DHX30: variants seen among roughly 807,000 people sequenced by gnomAD.
DHX30 encodes the protein ATP-dependent RNA helicase DHX30.
In DHX30, 4 loss-of-function variants were observed where a neutral mutation model predicts 116.9. That is an observed-to-expected ratio of 0.03 (90% CI 0.02 to 0.08). The LOEUF is 0.08. DHX30 is among the 10% of genes least tolerant of loss of function. DHX30 has a pLI of 1.00. For missense variants in DHX30, 871 were observed against 1,595.1 expected, an observed-to-expected ratio of 0.55 and a Z score of 7.73; for synonymous variants, 697 against 651.7, an observed-to-expected ratio of 1.07 and a Z score of -1.06.
chr3:47,830,555 C>T (rs754885121), intron 6 of DHX30, among the ~76,000 whole-genome samples: 1 of 152,122 alleles, frequency 6.6e-6, no homozygotes, highest in African/African-American at 2.4e-5. Flanking sequence ...CCTGCCTCCA[C>T]CTCCCAAAGT....
At position 47,818,057 on chromosome 3, in the gene DHX30, C is replaced by A. The variant is rs1399507189; in HGVS notation, c.64C>A (p.Pro22Thr). 1.3e-6 allele frequency: 1 copy of A among 781,062 alleles called. No individual in the cohort carries two copies. The highest frequency in any genetic ancestry group is 1.7e-5 in the Admixed American group (1 of 59,032). 48.4% of individuals were successfully genotyped at this position (781,062 alleles called of 1,614,324 possible). Residue 22 changes from proline to threonine, a missense_variant, in exon 4 of 22, where the codon CCC (proline) becomes ACC (threonine). Physicochemically the swap from Pro to Thr is conservative, Grantham distance 38. Coordinates refer to ENST00000445061, the MANE Select transcript of DHX30 (RefSeq NM_138615.3). ...AQHRQRQCKL[P>T]PPRLPPMCVN... ...GCACAGGCAGCGTCAGTGCAAACTT[C>A]CCCCACCCCGCCTTCCACCCATGTG...
rs566786160 is a variant in DHX30 at position 47,845,826 on chromosome 3, C to T, written c.1066C>T (p.Arg356Cys). Residue 356 changes from arginine to cysteine, a missense_variant, in exon 10 of 22, where the codon CGC becomes TGC. Transcript: ENST00000445061. Reference sequence around the variant, plus strand: ...CATCCAGGTGCCCGAGCCCATCCTCCGCAAGATAGAGACCTTCCTGAACCA... The same window carrying T: ...CATCCAGGTGCCCGAGCCCATCCTCTGCAAGATAGAGACCTTCCTGAACCA... ...CTIQVPEPIL[R>C]KIETFLNHYP... The T allele has an allele frequency of 1.1e-5, 18 of 1,609,380 alleles. No homozygotes were observed. The highest frequency in any genetic ancestry group is 1.7e-4 in the Middle Eastern group (1 of 6,048).
intron 1 of DHX30, among the ~76,000 whole-genome samples, chr3:47,803,461 C>G (rs1027260153): frequency 6.6e-6 from 1 of 152,172 alleles, no homozygotes; most frequent in Non-Finnish European, 1.5e-5. Flanking sequence ...GGGGGCCAGA[C>G]CGGTCCGCCG....
chr3:47,821,993 C>T (rs966367452), intron 4 of DHX30: 2 of 152,206 alleles, frequency 1.3e-5, no homozygotes, highest in African/African-American at 4.8e-5. Context: ...CTTTCTGTTG[C>T]AGTTATTTGA....
At chr3:47,833,190 T>C (rs534131509) in intron 6 of DHX30, among the ~76,000 whole-genome samples, 6 of 152,138 alleles carry the variant, frequency 3.9e-5, no homozygotes, top group African/African-American at 1.4e-4. Context: ...TCAAGCAAAT[T>C]AACATATCCA....
At chr3:47,840,255 C>T (rs1031866302) in intron 6 of DHX30, among the ~76,000 whole-genome samples, 1 of 151,640 alleles carries the variant, frequency 6.6e-6, no homozygotes, top group Admixed American at 6.6e-5. Context: ...TCTCGGCCTC[C>T]CAAAGTGCTG....
In DHX30 at chr3:47,843,115, C is replaced by G. The variant is rs895339412; in HGVS notation, c.799C>G (p.Gln267Glu). The change falls in exon 9 of 22, where the codon CAG becomes GAG. Residue 267 changes from glutamine to glutamate, a missense_variant. By Grantham distance (29) the Gln-to-Glu change is conservative. Transcript: ENST00000445061. ...TSSSTAKNLM[Q>E]FHTVGTKTKL... ...CTTGCCTTCCATGTAGAACCTCATG[C>G]AGTTCCATACTGTGGGCACCAAGAC... The G allele has an allele frequency of 1.1e-5, 17 of 1,614,066 alleles. No homozygotes were observed. Among genetic ancestry groups the G allele is most frequent in the Non-Finnish European group, 1.4e-5 (17 of 1,180,010 alleles).
intron 21 of DHX30, 31 bp from the exon 22 acceptor site, chr3:47,849,836 C>T: frequency 1.9e-6 from 3 of 1,609,990 alleles, no homozygotes; most frequent in Non-Finnish European, 2.5e-6. Context: ...GGCCTCACCA[C>T]AGTTCCCCAC....
intron 3 of DHX30, among the ~76,000 whole-genome samples, chr3:47,810,969 G>A (rs1293083816): frequency 2.0e-5 from 3 of 151,050 alleles, no homozygotes; most frequent in Admixed American, 6.6e-5. Flanking sequence ...TTTTTTCTGA[G>A]ATGGAGCCTC....
intron 1 of DHX30, among the ~76,000 whole-genome samples, chr3:47,804,509 C>G (rs1323049312): frequency 6.6e-6 from 1 of 152,172 alleles, no homozygotes; most frequent in African/African-American, 2.4e-5. Context: ...GAGCCAAGAT[C>G]GCGCCATTTC....
chr3:47,814,916 G>T (rs1270310101), intron 3 of DHX30, among the ~76,000 whole-genome samples: 2 of 151,362 alleles, frequency 1.3e-5, no homozygotes, highest in Non-Finnish European at 2.9e-5. Context: ...TGGAAACAGG[G>T]TCTTCCTATG....
intron 8 of DHX30, 125 bp downstream of exon 8, chr3:47,841,862 G>GA: frequency 7.5e-7 from 1 of 1,336,066 alleles, no homozygotes; most frequent in Non-Finnish European, 1.0e-6. Flanking sequence ...AGGCCAGGTG[G>GA]AGGAACTCCT....
At chr3:47,843,539 T>C (rs1403165154) in intron 9 of DHX30, among the ~76,000 whole-genome samples, 3 of 152,174 alleles carry the variant, frequency 2.0e-5, no homozygotes, top group African/African-American at 7.2e-5. Flanking sequence ...TTCTGAATAG[T>C]ATAAAGCCGG....
At chr3:47,823,316 C>G (rs1249761898) in intron 4 of DHX30, among the ~76,000 whole-genome samples, 1 of 151,540 alleles carries the variant, frequency 6.6e-6, no homozygotes, top group Non-Finnish European at 1.5e-5. Flanking sequence ...AGACAAAGAC[C>G]CCCCTGGGAA....
At chr3:47,835,370 G>A (rs1245202792) in intron 6 of DHX30, among the ~76,000 whole-genome samples, 1 of 152,068 alleles carries the variant, frequency 6.6e-6, no homozygotes, top group Non-Finnish European at 1.5e-5. Flanking sequence ...GTTTCTCCAT[G>A]TTGGTCAGGC....
Position 47,847,351 on chromosome 3 carries a change from G to A in DHX30, c.2005+3G>A. ...CATCGATGCTCGCGGGGAACCAGGT[G>A]GGTGCCTCCCCATCTGTCCCATGCT... is the stretch of plus-strand genomic sequence containing the variant. On this transcript the variant is annotated splice_donor_region_variant and intron_variant, in intron 12 of 21. Transcript: ENST00000445061. This position sits in a 1 kb window ranked among gnomAD's most constrained non-coding sequence, Gnocchi z 5.5. 1.9e-6 allele frequency: 3 copies of A among 1,614,226 alleles called. No individual in the cohort carries two copies. Among genetic ancestry groups the A allele is most frequent in the East Asian group, 2.2e-5 (1 of 44,888 alleles).
At chr3:47,822,656 G>A (rs550931954) in intron 4 of DHX30, among the ~76,000 whole-genome samples, 1 of 152,036 alleles carries the variant, frequency 6.6e-6, no homozygotes, top group East Asian at 1.9e-4. Flanking sequence ...ATGGTGGCAC[G>A]TACCTGTAGT....
At position 47,849,964 on chromosome 3, in the gene DHX30, G is replaced by A; in HGVS notation, c.3429G>A (p.Arg1143=). 1 of 1,612,894 alleles carries A rather than the reference G, an allele frequency of 6.2e-7. No individual in the cohort carries two copies. Among genetic ancestry groups the A allele is most frequent in the Non-Finnish European group, 8.5e-7 (1 of 1,179,724 alleles). ...TGCGGCTGCTGAAGGAGCTGCGGCG[G>A]GCCCTGGGCCGCATGGTGGAGCGGA... is the stretch of plus-strand genomic sequence containing the variant. ...RTVRLLKELR[R]ALGRMVERSL... Residue 1143 remains arginine (R), a synonymous_variant, in exon 22 of 22, where the codon CGG becomes CGA. Transcript: ENST00000445061.
Position 47,843,182 on chromosome 3 carries a change from C to T in DHX30, c.866C>T (p.Thr289Ile). 1 of 1,614,288 alleles carries T rather than the reference C, an allele frequency of 6.2e-7. No homozygotes were observed. Among genetic ancestry groups the T allele is most frequent in the Non-Finnish European group, 8.5e-7 (1 of 1,180,058 alleles). The change falls in exon 9 of 22, where the codon ACC becomes ATC. Residue 289 changes from threonine (T) to isoleucine (I), a missense_variant. Physicochemically the swap from Thr to Ile is moderately conservative, Grantham distance 89 (BLOSUM62 -1). This residue lies in a region of DHX30 where 175 missense variants were observed against 292.9 expected (regional missense o/e 0.60). Transcript: ENST00000445061. ...ACCCTGCTCTGGCCCTGCCCCATGACCTTTGTTGCCAAAGGGCGCCGCAAA... is the reference window on the plus strand; with the variant it reads ...ACCCTGCTCTGGCCCTGCCCCATGATCTTTGTTGCCAAAGGGCGCCGCAAA... Reference protein sequence around the residue: ...TLTLLWPCPMTFVAKGRRKAE... With the variant: ...TLTLLWPCPMIFVAKGRRKAE...
Sources: gnomAD v4.1 joint callset for allele counts (sites outside exome capture counted in the v4.1 genomes callset) on GRCh38, gnomAD v4.1.1 for gene constraint, gnomAD v4.1.1 regional missense constraint, Gnocchi (gnomAD v3.1) non-coding constraint, MANE v1.5 for transcripts, NCBI Gene and HGNC (gene_info 2026-07-23, HGNC 2026-07-21) for gene names.